Variants in HK2 observed in about 807,000 individuals in gnomAD.
The protein encoded by HK2 is hexokinase 2.
In HK2, 42 loss-of-function variants were observed where a neutral mutation model predicts 92.9. The observed-to-expected ratio is 0.45, with a 90% CI of 0.35 to 0.58. The LOEUF (loss-of-function observed/expected upper bound fraction) is 0.58, where lower values mean the gene tolerates loss of function less well. Ranked by LOEUF, HK2 falls within the 20% of genes least tolerant of loss-of-function variation. The probability of loss-of-function intolerance (pLI) is 0.00; values close to 1 mark genes in which losing one functional copy is unlikely to be tolerated. For synonymous variants in HK2, 422 were observed against 468.0 expected (o/e 0.90, Z 1.27); for missense variants, 978 against 1,245.1 (o/e 0.79, Z 3.23).
chr2:74,869,021 T>C (rs779305835), intron 3 of HK2, among the ~76,000 whole-genome samples: 1 of 152,054 alleles, frequency 6.6e-6, no homozygotes, highest in Non-Finnish European at 1.5e-5. Context: ...GTGAAGTTCT[T>C]CTTGAAAAAA....
At chr2:74,872,243 C>T (rs1689114579) in intron 3 of HK2, 57 bp from the exon 4 acceptor site, 1 of 1,601,352 alleles carries the variant, frequency 6.2e-7, no homozygotes, top group Admixed American at 1.7e-5. Flanking sequence ...AGTGCATGCC[C>T]TTAATCTCTA....
At chr2:74,878,581 G>A in intron 8 of HK2, 107 bp from the exon 9 acceptor site, 1 of 852,748 alleles carries the variant, frequency 1.2e-6, no homozygotes, top group Non-Finnish European at 2.0e-6. Flanking sequence ...TGTCCCCACT[G>A]GGTGGTGAAT....
intron 7 of HK2, among the ~76,000 whole-genome samples, chr2:74,875,700 G>A (rs1374906615): frequency 6.6e-6 from 1 of 152,192 alleles, no homozygotes; most frequent in African/African-American, 2.4e-5. Context: ...GTTGAAATGA[G>A]TCCTTTACTT....
chr2:74,849,596 T>C (rs1688518885), intron 1 of HK2, among the ~76,000 whole-genome samples: 1 of 152,160 alleles, frequency 6.6e-6, no homozygotes, highest in East Asian at 1.9e-4. Flanking sequence ...AAGGAATAGT[T>C]TGGGGAAACA....
chr2:74,843,499 T>C (rs967568285), intron 1 of HK2, among the ~76,000 whole-genome samples: 4 of 152,196 alleles, frequency 2.6e-5, no homozygotes, highest in Non-Finnish European at 5.9e-5. Context: ...GATGGATCTC[T>C]AAGCATTTCC....
Position 74,880,388 on chromosome 2 carries a change from G to A in HK2, c.1389G>A (p.Leu463=). The change falls in exon 10 of 18, where the codon CTG becomes CTA. Residue 463 remains leucine (L), a synonymous_variant. Coordinates refer to ENST00000290573, the MANE Select transcript of HK2 (RefSeq NM_000189.5). The part of the protein sequence containing the change: ...AAMVTAVAYR[L]ADQHRARQKT... The stretch of plus-strand genomic sequence containing the variant: ...TGGTGACAGCAGTGGCTTACCGGCT[G>A]GCCGATCAACACCGTGCCCGCCAGA... The A allele has an allele frequency of 6.2e-7, 1 of 1,614,164 alleles. No individual in the cohort carries two copies. The highest frequency in any genetic ancestry group is 8.5e-7 in the Non-Finnish European group (1 of 1,180,036).
chr2:74,876,820 T>A (rs1029907418), intron 7 of HK2, among the ~76,000 whole-genome samples: 47 of 152,360 alleles, frequency 3.1e-4, no homozygotes, highest in South Asian at 1.2e-3. Flanking sequence ...ATATTAATTT[T>A]AAAAATGATT....
rs760684697 is a variant in HK2, at chr2:74,886,583, G to A, written c.2129G>A (p.Gly710Glu). 1 of 1,614,040 alleles carries A rather than the reference G, an allele frequency of 6.2e-7. No individual in the cohort carries two copies. The highest frequency in any genetic ancestry group is 1.3e-5 in the African/African-American group (1 of 74,960). ...EGRMCVNMEW[G>E]AFGDNGCLDD... ...CGGATGTGTGTGAACATGGAATGGG[G>A]GGCCTTCGGGGACAATGGATGCCTA... The change falls in exon 15 of 18, where the codon GGG becomes GAG. Residue 710 changes from glycine (G) to glutamate (E), a missense_variant. This residue lies in a region of HK2 where 742 missense variants were observed against 922.5 expected (regional missense o/e 0.80). Coordinates refer to ENST00000290573, the MANE Select transcript of HK2 (RefSeq NM_000189.5).
At chr2:74,852,169 G>A (rs1001245470) in intron 1 of HK2, among the ~76,000 whole-genome samples, 2 of 152,200 alleles carry the variant, frequency 1.3e-5, no homozygotes, top group African/African-American at 4.8e-5. Context: ...GCCACGTGAG[G>A]GCTTGCCATT....
At chr2:74,856,854 G>C (rs1216164864) in intron 2 of HK2, among the ~76,000 whole-genome samples, 1 of 152,232 alleles carries the variant, frequency 6.6e-6, no homozygotes, top group Non-Finnish European at 1.5e-5. Flanking sequence ...GTGTTAGCCT[G>C]TGCACTTGGC....
rs1366916866 is a variant in HK2, at chr2:74,854,350, A to G, written c.121A>G (p.Lys41Glu). 3.1e-6 allele frequency: 5 copies of G among 1,613,628 alleles called. No individual in the cohort carries two copies. The African/African-American group carries it at 4.0e-5, about 13-fold the overall frequency. ...TGATGAGACCCTCTTGGAGATCTCT[A>G]AGCGGTTCCGCAAGGAGATGGAGAA... ...LSDETLLEISKRFRKEMEKGL... is the reference protein window; with the variant it reads ...LSDETLLEISERFRKEMEKGL... The change falls in exon 2 of 18, where the codon AAG becomes GAG. Residue 41 changes from lysine to glutamate, a missense_variant. Physicochemically the swap from Lys to Glu is moderately conservative, Grantham distance 56. Coordinates refer to ENST00000290573, the MANE Select transcript of HK2 (RefSeq NM_000189.5).
chr2:74,872,287 C>CG lies in HK2; in HGVS notation c.376-13_376-12insG. The CG allele has an allele frequency of 6.2e-7, 1 of 1,613,820 alleles. No individual in the cohort carries two copies. The highest frequency in any genetic ancestry group is 1.3e-5 in the African/African-American group (1 of 75,032). ...GACCTCTCTGCTCACCACCCTGTGT[C>CG]ATGTATCCTTAGCTGTTTGACCACA... On this transcript the variant is annotated splice_polypyrimidine_tract_variant and intron_variant, in intron 3 of 17. Transcript: ENST00000290573.
chr2:74,868,517 AC>A (rs1403907368), intron 3 of HK2, among the ~76,000 whole-genome samples: 1 of 151,472 alleles, frequency 6.6e-6, no homozygotes, highest in African/African-American at 2.4e-5. Context: ...AGGAGATGAT[AC>A]CTGTTAAGTA....
intron 2 of HK2, among the ~76,000 whole-genome samples, chr2:74,859,956 G>A (rs1688783915): frequency 2.0e-5 from 3 of 151,868 alleles, no homozygotes; most frequent in Non-Finnish European, 4.4e-5. Flanking sequence ...AAGAAACTGT[G>A]GTATATATAC....
chr2:74,877,436 G>T, intron 8 of HK2, 115 bp downstream of exon 8: 1 of 1,203,762 alleles, frequency 8.3e-7, no homozygotes, highest in South Asian at 1.2e-5. Context: ...CTGCAAGAGG[G>T]TCTCACATGA....
chr2:74,881,763 G>A lies in HK2; in HGVS notation c.1623G>A (p.Leu541=). 1 of 1,614,202 alleles carries A rather than the reference G, an allele frequency of 6.2e-7. No individual in the cohort carries two copies. The highest frequency in any genetic ancestry group is 8.5e-7 in the Non-Finnish European group (1 of 1,180,036). ...LDLGGTNFRV[L]LVRVRNGKWG... is the part of the protein sequence containing the mutation. ...TTGGAGGAACAAATTTCCGGGTCCT[G>A]CTGGTCCGTGTTCGGAATGGGAAGT... Residue 541 remains leucine, a synonymous_variant, in exon 11 of 18, where the codon CTG becomes CTA. Coordinates refer to ENST00000290573, the MANE Select transcript of HK2 (RefSeq NM_000189.5).
chr2:74,860,310 T>C (rs1688795810), intron 2 of HK2, among the ~76,000 whole-genome samples: 1 of 152,054 alleles, frequency 6.6e-6, no homozygotes, highest in African/African-American at 2.4e-5. Context: ...TGTAACAAAA[T>C]TATGTTTGCA....
intron 1 of HK2, among the ~76,000 whole-genome samples, chr2:74,850,502 T>A (rs1000186392): frequency 1.3e-5 from 2 of 152,194 alleles, no homozygotes; most frequent in African/African-American, 4.8e-5. Context: ...TCGAATACTA[T>A]GTTTAGTGGG....
intron 7 of HK2, among the ~76,000 whole-genome samples, chr2:74,875,101 C>T (rs1476158926): frequency 6.6e-6 from 1 of 152,168 alleles, no homozygotes. Flanking sequence ...TCTTACAAAA[C>T]CTTATTTCAC....
Sources: gnomAD v4.1 joint callset for allele counts (sites outside exome capture counted in the v4.1 genomes callset) on GRCh38, gnomAD v4.1.1 for gene constraint, gnomAD v4.1.1 regional missense constraint, MANE v1.5 for transcripts, NCBI Gene and HGNC (gene_info 2026-07-23, HGNC 2026-07-21) for gene names.